SLTM: variants seen among roughly 807,000 people sequenced by gnomAD.
SLTM encodes the protein SAFB like transcription modulator.
SLTM carries 43 observed loss-of-function variants against 134.6 expected under a neutral mutation model. That is an observed-to-expected ratio of 0.32 (90% CI 0.25 to 0.41). The LOEUF (loss-of-function observed/expected upper bound fraction) is 0.41. Ranked by LOEUF, SLTM falls within the 10% of genes least tolerant of loss-of-function variation. SLTM has a pLI of 1.00. For missense variants in SLTM, 1,055 were observed against 1,288.8 expected (o/e 0.82, Z 2.78); for synonymous variants, 424 against 432.3 (o/e 0.98, Z 0.24).
intron 6 of SLTM, chr15:58,901,026 C>A: frequency 2.4e-6 from 1 of 411,838 alleles, no homozygotes; most frequent in African/African-American, 2.1e-5. Context: ...TAAAAAATAG[C>A]ATTGTTCACT....
At chr15:58,891,589 A>G (rs568152131) in intron 14 of SLTM, among the ~76,000 whole-genome samples, 13 of 152,182 alleles carry the variant, frequency 8.5e-5, no homozygotes, top group Non-Finnish European at 1.5e-4. Flanking sequence ...TTTACTAACC[A>G]ATACAACATA....
intron 2 of SLTM, among the ~76,000 whole-genome samples, chr15:58,918,866 G>GA (rs1411309110): frequency 1.4e-5 from 2 of 147,676 alleles, no homozygotes; most frequent in Non-Finnish European, 3.0e-5. Context: ...CACTAAGAAA[G>GA]AAAAAAAACT....
Position 58,889,806 on chromosome 15 carries a change from T to G in SLTM, c.2080-252A>C, listed in dbSNP as rs139268840. On this transcript the variant is annotated intron_variant, in intron 15 of 20. Transcript: ENST00000380516. Reference sequence around the variant, plus strand: ...GGGAAGGTCAAGTTTAGTTTAATCATTCGACTAAAACAAAAGCACCTAAAG... The same window carrying G: ...GGGAAGGTCAAGTTTAGTTTAATCAGTCGACTAAAACAAAAGCACCTAAAG... Among the ~76,000 whole-genome samples the G allele has an allele frequency of 5.7e-3, 867 of 152,332 alleles. 3 individuals are homozygous for G. The highest frequency in any genetic ancestry group is 0.034 in the Middle Eastern group (10 of 294).
rs2037338743 is a variant in SLTM, at chr15:58,924,707, A to G, written c.250+7649T>C. Among the ~76,000 whole-genome samples the G allele has an allele frequency of 2.0e-5, 3 of 152,224 alleles. No homozygotes were observed. The South Asian group carries it at 6.2e-4, about 31-fold the overall frequency. On this transcript the variant is annotated intron_variant, in intron 2 of 20. Transcript: ENST00000380516. The stretch of plus-strand genomic sequence containing the variant: ...CTCCTCCAAAGGCAAATTGGTCTTT[A>G]TAAGGGTTTGCAATTTTCCTTTTCC...
At chr15:58,898,296 G>A (rs1299377452) in intron 8 of SLTM, 1 of 152,178 alleles carries the variant, frequency 6.6e-6, no homozygotes, top group Non-Finnish European at 1.5e-5. Context: ...TACAGCTCAT[G>A]GGCATGAGAT....
At position 58,908,539 on chromosome 15, in the gene SLTM, A is replaced by T. The variant is rs543504883; in HGVS notation, c.561+4024T>A. Among the ~76,000 whole-genome samples the T allele has an allele frequency of 2.7e-3, 403 of 149,338 alleles. 3 individuals are homozygous for T. Among genetic ancestry groups the T allele is most frequent in the East Asian group, 0.015 (78 of 5,110 alleles). On this transcript the variant is annotated intron_variant, in intron 5 of 20. Transcript: ENST00000380516. ...AGACCACCATACCCAGCTATTTAAA[A>T]TTTTTTTTTTATAGAGACAGGGTCT...
chr15:58,927,656 C>T (rs1474960554), intron 2 of SLTM, among the ~76,000 whole-genome samples: 2 of 151,870 alleles, frequency 1.3e-5, no homozygotes, highest in Non-Finnish European at 2.9e-5. Flanking sequence ...GCACTTATTA[C>T]GTGCCATGCT....
rs756471185 is a variant in SLTM at position 58,899,871 on chromosome 15, G to A, written c.656C>T (p.Ala219Val). The change falls in exon 7 of 21, where the codon GCT becomes GTT. Residue 219 changes from alanine (A) to valine (V), a missense_variant. By Grantham distance (64) the Ala-to-Val change is moderately conservative (BLOSUM62 0). Coordinates refer to ENST00000380516, the MANE Select transcript of SLTM (RefSeq NM_024755.4). The surrounding 1 kb of genome is among the most constrained non-coding windows in gnomAD (Gnocchi z 5.0). The part of the protein sequence containing the change: ...SKPLPSEGSL[A>V]EADHTAHEEM... Reference sequence around the variant, plus strand: ...TTCATGAGCTGTGTGATCAGCCTCAGCTAGGCTCCCTTCTGAAGGAAGAGG... The same window carrying A: ...TTCATGAGCTGTGTGATCAGCCTCAACTAGGCTCCCTTCTGAAGGAAGAGG... 6 of 1,614,046 alleles carry A rather than the reference G, an allele frequency of 3.7e-6. No individual in the cohort carries two copies. Among genetic ancestry groups the A allele is most frequent in the Non-Finnish European group, 5.1e-6 (6 of 1,180,000 alleles).
chr15:58,893,899 T>G lies in SLTM; in HGVS notation c.1570A>C (p.Lys524Gln), dbSNP rs1473910105. Residue 524 changes from lysine to glutamine, a missense_variant, in exon 12 of 21, where the codon AAA becomes CAA. Physicochemically the swap from Lys to Gln is moderately conservative, Grantham distance 53. Coordinates refer to ENST00000380516, the MANE Select transcript of SLTM (RefSeq NM_024755.4). Reference sequence around the variant, plus strand: ...GCTCCATTATCATTCTTCTCATCTTTACCTTCTATTTTCTTAGTATCCTTG... The same window carrying G: ...GCTCCATTATCATTCTTCTCATCTTGACCTTCTATTTTCTTAGTATCCTTG... ...ESKDTKKIEG[K>Q]DEKNDNGASG... 7 of 1,613,268 alleles carry G rather than the reference T, an allele frequency of 4.3e-6. No individual in the cohort carries two copies. Among genetic ancestry groups the G allele is most frequent in the Non-Finnish European group, 5.9e-6 (7 of 1,179,860 alleles).
chr15:58,931,223 T>C (rs1164181476), intron 2 of SLTM, among the ~76,000 whole-genome samples: 2 of 152,210 alleles, frequency 1.3e-5, no homozygotes, highest in Admixed American at 6.5e-5. Context: ...ACCTTTAAGA[T>C]AACTTTTTTA....
intron 14 of SLTM, among the ~76,000 whole-genome samples, chr15:58,891,415 A>G (rs1272313414): frequency 2.0e-5 from 3 of 152,184 alleles, no homozygotes; most frequent in African/African-American, 7.2e-5. Context: ...ACTCAACCCC[A>G]TTTTTAATAA....
Position 58,886,218 on chromosome 15 carries a change from AGTGTGTGTGTGT to A in SLTM, c.2835+745_2835+756del, listed in dbSNP as rs60261686. 2.9e-3 allele frequency among the ~76,000 whole-genome samples: 357 copies of A among 124,458 alleles called. 2 individuals carry two copies. Among genetic ancestry groups the A allele is most frequent in the East Asian group, 9.5e-3 (41 of 4,326 alleles). 81.6% of individuals were successfully genotyped at this position (124,458 alleles called of 152,430 possible). On this transcript the variant is annotated intron_variant, in intron 19 of 20. Transcript: ENST00000380516. ...TTAAATGAAGCAGGAGAAAAAGAAGAGTGTGTGTGTGTGTGTGTGTGTGTGTGTGTGTGTGTG... is the reference window on the plus strand; with the variant it reads ...TTAAATGAAGCAGGAGAAAAAGAAGAGTGTGTGTGTGTGTGTGTGTGTGTG...
At chr15:58,889,803 T>G (rs2034517924) in intron 15 of SLTM, among the ~76,000 whole-genome samples, 1 of 152,186 alleles carries the variant, frequency 6.6e-6, no homozygotes, top group Non-Finnish European at 1.5e-5. Flanking sequence ...TTTAGTTTAA[T>G]CATTCGACTA....
intron 10 of SLTM, 83 bp from the exon 11 acceptor site, chr15:58,894,276 T>C (rs1415261022): frequency 5.0e-6 from 7 of 1,411,386 alleles, no homozygotes; most frequent in African/African-American, 4.4e-5. Context: ...GGCAGAAAAT[T>C]TGGAAACGAT....
chr15:58,900,057 G>A lies in SLTM; in HGVS notation c.590-120C>T, dbSNP rs1266775939. 1.1e-4 allele frequency: 68 copies of A among 644,514 alleles called. No homozygotes were observed. In the African/African-American group the frequency reaches 1.1e-3, roughly 10 times the overall value. The allele number at this position is 644,514 out of a possible 1,614,324, so 39.9% of individuals were successfully genotyped here. A position where few individuals can be genotyped will look rare whatever the true frequency, so the allele number is the denominator to read the frequency against. On this transcript the variant is annotated intron_variant, in intron 6 of 20. Transcript: ENST00000380516. The stretch of plus-strand genomic sequence containing the variant: ...AGTTATTAGCACTGATGGAAGTTAG[G>A]GAAAAAAAAAAAAAACACAAGGGTA...
chr15:58,908,062 CTT>C (rs71119416), intron 5 of SLTM, among the ~76,000 whole-genome samples: 1 of 134,996 alleles, frequency 7.4e-6, no homozygotes, highest in Non-Finnish European at 1.5e-5. Context: ...CTTTTTCTTT[CTT>C]TTTTTTTTTT....
At chr15:58,923,799 CTTTTTTTTTTTTTTTTTTTT>C (rs34100406) in intron 2 of SLTM, among the ~76,000 whole-genome samples, 4 of 69,544 alleles carry the variant, frequency 5.8e-5, no homozygotes, top group African/African-American at 2.2e-4. Context: ...GAAGCCAAAC[CTTTTTTTTTTTTTTTTTTTT>C]TTTTTTGGAG....
intron 5 of SLTM, among the ~76,000 whole-genome samples, chr15:58,908,320 C>CA (rs1163031369): frequency 6.6e-6 from 1 of 152,020 alleles, no homozygotes; most frequent in Non-Finnish European, 1.5e-5. Context: ...CTCAGCCTCC[C>CA]AAAGTACTGG....
At chr15:58,922,199 A>T (rs1014473522) in intron 2 of SLTM, among the ~76,000 whole-genome samples, 1 of 149,728 alleles carries the variant, frequency 6.7e-6, no homozygotes, top group Non-Finnish European at 1.5e-5. Flanking sequence ...AACATGGTGA[A>T]ACCCTGTCTC....
Sources: gnomAD v4.1 joint callset for allele counts (sites outside exome capture counted in the v4.1 genomes callset) on GRCh38, gnomAD v4.1.1 for gene constraint, Gnocchi (gnomAD v3.1) non-coding constraint, MANE v1.5 for transcripts, NCBI Gene and HGNC (gene_info 2026-07-23, HGNC 2026-07-21) for gene names.